The following VPS54 variants were observed in gnomAD, a reference collection of about 807,000 sequenced individuals.
VPS54 encodes the protein VPS54 subunit of GARP complex.
In VPS54, 45 loss-of-function variants were observed where a neutral mutation model predicts 121.5. The observed-to-expected ratio is 0.37, with a 90% CI of 0.29 to 0.47. The LOEUF (loss-of-function observed/expected upper bound fraction) is 0.47, where lower values mean the gene tolerates loss of function less well. VPS54 is among the 20% of genes least tolerant of loss of function. The pLI, the probability that VPS54 is intolerant of heterozygous loss-of-function variation, is 0.99. For missense variants in VPS54, 1,090 were observed against 1,131.4 expected, an observed-to-expected ratio of 0.96 and a Z score of 0.52; for synonymous variants, 371 against 385.8, an observed-to-expected ratio of 0.96 and a Z score of 0.45.
chr2:63,913,573 C>T (rs903236867), intron 17 of VPS54, among the ~76,000 whole-genome samples: 19 of 151,972 alleles, frequency 1.3e-4, no homozygotes, highest in African/African-American at 4.6e-4. Context: ...TTTGCATGTA[C>T]AAAACAAATT....
intron 15 of VPS54, among the ~76,000 whole-genome samples, chr2:63,919,418 G>T (rs1384414526): frequency 6.6e-6 from 1 of 152,010 alleles, no homozygotes; most frequent in Non-Finnish European, 1.5e-5. Context: ...TCTCAATTCT[G>T]TCTCAATATA....
At chr2:63,946,975 G>T (rs1242503283) in intron 9 of VPS54, among the ~76,000 whole-genome samples, 1 of 151,924 alleles carries the variant, frequency 6.6e-6, no homozygotes, top group Non-Finnish European at 1.5e-5. Context: ...CTGTCACAGT[G>T]CTATTTATTG....
At chr2:63,934,319 A>C (rs1021542385) in intron 11 of VPS54, among the ~76,000 whole-genome samples, 2 of 151,350 alleles carry the variant, frequency 1.3e-5, no homozygotes, top group Non-Finnish European at 3.0e-5. Context: ...TACACTAAAC[A>C]TAACTTGCCC....
At chr2:63,972,919 T>C (rs189904661) in intron 3 of VPS54, among the ~76,000 whole-genome samples, 285 of 151,930 alleles carry the variant, frequency 1.9e-3, no homozygotes, top group Non-Finnish European at 2.7e-3. Context: ...AAATTAGTTA[T>C]TGACACGTTC....
At chr2:63,895,650 C>T (rs1166710564) in intron 22 of VPS54, among the ~76,000 whole-genome samples, 1 of 151,996 alleles carries the variant, frequency 6.6e-6, no homozygotes, top group East Asian at 1.9e-4. Flanking sequence ...TGAATTTCAC[C>T]TCAAAAAAAG....
intron 17 of VPS54, 57 bp downstream of exon 17, chr2:63,914,125 C>A (rs1673272738): frequency 7.5e-7 from 1 of 1,325,762 alleles, no homozygotes; most frequent in Non-Finnish European, 1.1e-6. Context: ...ATTAGTCACA[C>A]CCTAATGTAT....
intron 1 of VPS54, among the ~76,000 whole-genome samples, chr2:64,006,282 A>T (rs1167431766): frequency 1.3e-5 from 2 of 152,256 alleles, no homozygotes; most frequent in Non-Finnish European, 2.9e-5. Flanking sequence ...AGGTTCACAT[A>T]CATTTCAAAT....
intron 3 of VPS54, among the ~76,000 whole-genome samples, chr2:63,980,817 T>C (rs908476228): frequency 1.3e-5 from 2 of 152,022 alleles, no homozygotes; most frequent in African/African-American, 4.8e-5. Context: ...TTAGATCTGA[T>C]CATTGAAAAC....
At chr2:63,906,370 T>C (rs901774144) in intron 20 of VPS54, among the ~76,000 whole-genome samples, 2 of 152,178 alleles carry the variant, frequency 1.3e-5, no homozygotes, top group Non-Finnish European at 2.9e-5. Flanking sequence ...GGTGTTTCAA[T>C]ATATTAGCAT....
intron 3 of VPS54, 123 bp downstream of exon 3, chr2:63,981,523 G>C (rs931374098): frequency 9.1e-7 from 1 of 1,096,884 alleles, no homozygotes; most frequent in Non-Finnish European, 1.3e-6. Flanking sequence ...AGTACAATTT[G>C]TATGAACGAA....
intron 12 of VPS54, among the ~76,000 whole-genome samples, chr2:63,931,312 G>T (rs1162977242): frequency 6.6e-6 from 1 of 152,056 alleles, no homozygotes; most frequent in African/African-American, 2.4e-5. Context: ...CAGATATATA[G>T]ACCAATGGAA....
chr2:63,986,645 T>C (rs1677067244), intron 1 of VPS54, among the ~76,000 whole-genome samples: 1 of 152,190 alleles, frequency 6.6e-6, no homozygotes, highest in African/African-American at 2.4e-5. Context: ...ACAGCTCCGT[T>C]TTCAGTTTTT....
intron 1 of VPS54, among the ~76,000 whole-genome samples, chr2:63,996,491 G>GA (rs896442550): frequency 5.3e-5 from 8 of 152,090 alleles, no homozygotes; most frequent in South Asian, 2.1e-4. Context: ...TGGGCACCTT[G>GA]AAAAAAGAAC....
intron 7 of VPS54, among the ~76,000 whole-genome samples, chr2:63,951,954 T>C (rs1293654505): frequency 6.6e-6 from 1 of 152,198 alleles, no homozygotes; most frequent in Admixed American, 6.5e-5. Context: ...AATATTGACA[T>C]TCTAAGTCCT....
intron 15 of VPS54, among the ~76,000 whole-genome samples, chr2:63,917,970 CAG>C (rs1319985413): frequency 2.0e-5 from 3 of 152,004 alleles, no homozygotes; most frequent in Non-Finnish European, 2.9e-5. Context: ...TAGAACAAAA[CAG>C]TGTAAGTAAA....
At chr2:63,966,569 T>C (rs892141489) in intron 5 of VPS54, among the ~76,000 whole-genome samples, 7 of 152,198 alleles carry the variant, frequency 4.6e-5, no homozygotes, top group African/African-American at 1.2e-4. Flanking sequence ...AGCTCTTCAA[T>C]AGCTATTTAC....
At chr2:63,898,899 A>T (rs1038777748) in intron 21 of VPS54, among the ~76,000 whole-genome samples, 4 of 152,170 alleles carry the variant, frequency 2.6e-5, no homozygotes, top group African/African-American at 9.7e-5. Context: ...GAACTCTGTG[A>T]TAATACTTTT....
Position 64,019,102 on chromosome 2 carries a change from G to C in VPS54, c.-185C>G, listed in dbSNP as rs1678856885. On this transcript the variant is annotated 5_prime_UTR_variant, in exon 1 of 23. Coordinates refer to ENST00000272322, the MANE Select transcript of VPS54 (RefSeq NM_016516.3). Reference sequence around the variant, plus strand: ...CCGCCCCGCGCCCGCTGGCCAGTCGGCCCGGGGAGCACAGGGCCGCCCTCT... The same window carrying C: ...CCGCCCCGCGCCCGCTGGCCAGTCGCCCCGGGGAGCACAGGGCCGCCCTCT... The C allele has an allele frequency of 6.6e-6, 1 of 151,020 alleles. No individual in the cohort carries two copies. Among genetic ancestry groups the C allele is most frequent in the Non-Finnish European group, 1.5e-5 (1 of 67,636 alleles). The allele number at this position is 151,020 out of a possible 1,614,324, so 9.4% of individuals were successfully genotyped here.
At chr2:63,920,090 A>C (rs1355955456) in intron 14 of VPS54, 95 bp from the exon 15 acceptor site, 18 of 1,031,658 alleles carry the variant, frequency 1.7e-5, no homozygotes, top group Non-Finnish European at 2.5e-5. Flanking sequence ...GAGTGAGAAC[A>C]TAAGACTTAA....
Sources: allele counts gnomAD v4.1 joint callset (sites outside exome capture counted in the v4.1 genomes callset), GRCh38; gene constraint gnomAD v4.1.1; transcripts MANE v1.5; gene names NCBI Gene and HGNC (gene_info 2026-07-23, HGNC 2026-07-21).